GLG1: variants seen among roughly 807,000 people sequenced by gnomAD.
The protein encoded by GLG1 is Golgi apparatus protein 1.
A neutral mutation model predicts 160.5 loss-of-function variants in GLG1; 38 were observed. That is an observed-to-expected ratio of 0.24 (90% CI 0.18 to 0.31). The LOEUF is 0.31. Ranked by LOEUF, GLG1 falls within the 10% of genes least tolerant of loss-of-function variation. The pLI is 1.00. For synonymous variants in GLG1, 644 were observed against 543.4 expected, an observed-to-expected ratio of 1.19 and a Z score of -2.57; for missense variants, 1,373 against 1,505.2, an observed-to-expected ratio of 0.91 and a Z score of 1.45.
chr16:74,588,103 G>A (rs1037773727), intron 1 of GLG1, among the ~76,000 whole-genome samples: 1 of 151,818 alleles, frequency 6.6e-6, no homozygotes, highest in African/African-American at 2.4e-5. Context: ...AACAGGGGGA[G>A]CGTTGGTGGG....
At chr16:74,606,585 G>A (rs1208602693) in intron 1 of GLG1, 72 bp downstream of exon 1, 1 of 1,309,298 alleles carries the variant, frequency 7.6e-7, no homozygotes. Context: ...CGGCGTCAGC[G>A]GCTTCCAAGG....
chr16:74,520,550 C>T (rs769706906), intron 2 of GLG1, among the ~76,000 whole-genome samples: 3 of 152,122 alleles, frequency 2.0e-5, no homozygotes, highest in African/African-American at 4.8e-5. Context: ...GCAGGAGAAT[C>T]GCTTGAACCC....
At position 74,599,649 on chromosome 16, in the gene GLG1, G is replaced by C. The variant is rs184944157; in HGVS notation, c.438+7008C>G. Reference sequence around the variant, plus strand: ...GGAGGCCGAGGTGGGCAGATCACGAGGTCAGGAGATCGAGACCATCCTGGC... The same window carrying C: ...GGAGGCCGAGGTGGGCAGATCACGACGTCAGGAGATCGAGACCATCCTGGC... On this transcript the variant is annotated intron_variant, in intron 1 of 25. Coordinates refer to ENST00000422840, the MANE Select transcript of GLG1 (RefSeq NM_001145667.2). Among the ~76,000 whole-genome samples, 1,505 of 152,260 alleles carry C rather than the reference G, an allele frequency of 9.9e-3. 9 individuals are homozygous for C. Among genetic ancestry groups the C allele is most frequent in the Non-Finnish European group, 0.015 (1,041 of 68,026 alleles).
intron 19 of GLG1, 94 bp from the exon 20 acceptor site, chr16:74,463,573 C>G: frequency 7.9e-7 from 1 of 1,265,392 alleles, no homozygotes; most frequent in Non-Finnish European, 1.1e-6. Flanking sequence ...GGAGTCTCAC[C>G]GTGTCACCCA....
chr16:74,513,251 A>C (rs2016870697), intron 2 of GLG1, among the ~76,000 whole-genome samples: 1 of 152,188 alleles, frequency 6.6e-6, no homozygotes, highest in Non-Finnish European at 1.5e-5. Flanking sequence ...TGAATGAAAA[A>C]AGATGGGATA....
At chr16:74,478,925 G>A (rs1157250024) in intron 11 of GLG1, among the ~76,000 whole-genome samples, 1 of 138,940 alleles carries the variant, frequency 7.2e-6, no homozygotes, top group Non-Finnish European at 1.5e-5. Context: ...GGTTATTTTG[G>A]CCAGGCGCAG....
intron 3 of GLG1, among the ~76,000 whole-genome samples, chr16:74,505,024 T>C (rs2016545245): frequency 6.6e-6 from 1 of 152,224 alleles, no homozygotes; most frequent in Admixed American, 6.5e-5. Context: ...AGGAAGGAGT[T>C]AAATGGGAAT....
rs201693911 is a variant in GLG1 at position 74,529,809 on chromosome 16, G to GTTTTTTTTTTTTTTTTT, written c.471+2311_471+2312insAAAAAAAAAAAAAAAAA. 6.7e-5 allele frequency among the ~76,000 whole-genome samples: 7 copies of GTTTTTTTTTTTTTTTTT among 104,104 alleles called. 2 individuals are homozygous for GTTTTTTTTTTTTTTTTT. Among genetic ancestry groups the GTTTTTTTTTTTTTTTTT allele is most frequent in the Non-Finnish European group, 1.1e-4 (6 of 55,544 alleles). The allele number at this position is 104,104 out of a possible 152,430, so 68.3% of individuals were successfully genotyped here. A position where few individuals can be genotyped will look rare whatever the true frequency, so the allele number is the denominator to read the frequency against. On this transcript the variant is annotated intron_variant, in intron 2 of 25. Coordinates refer to ENST00000422840, the MANE Select transcript of GLG1 (RefSeq NM_001145667.2). ...CTTCCTATTCCTTGGCTCTTTGAGA[G>GTTTTTTTTTTTTTTTTT]TTCTTTTTTTTTTTTTTTTTTTTTT...
intron 1 of GLG1, among the ~76,000 whole-genome samples, chr16:74,570,126 T>A (rs1303171419): frequency 1.3e-5 from 2 of 152,158 alleles, no homozygotes; most frequent in Admixed American, 6.5e-5. Flanking sequence ...ACAAAATATT[T>A]TCATTTTTAT....
At chr16:74,499,482 T>C (rs117143367) in intron 4 of GLG1, among the ~76,000 whole-genome samples, 2,725 of 152,292 alleles carry the variant, frequency 0.018, 33 homozygotes, top group Non-Finnish European at 0.028. Flanking sequence ...ACTTGTGTTA[T>C]AAATGTCTCC....
intron 1 of GLG1, among the ~76,000 whole-genome samples, chr16:74,558,716 A>G (rs2018419742): frequency 6.6e-6 from 1 of 152,218 alleles, no homozygotes. Context: ...AGTTTCCTAT[A>G]TTAACTATTT....
chr16:74,602,573 G>C (rs973135577), intron 1 of GLG1, among the ~76,000 whole-genome samples: 2 of 152,168 alleles, frequency 1.3e-5, no homozygotes, highest in Admixed American at 1.3e-4. Flanking sequence ...CACGAGGTCA[G>C]GAGTTCGAGA....
intron 1 of GLG1, among the ~76,000 whole-genome samples, chr16:74,555,987 A>G (rs1264628179): frequency 1.3e-5 from 2 of 152,000 alleles, no homozygotes; most frequent in Non-Finnish European, 2.9e-5. Flanking sequence ...CTACAGGCAC[A>G]TGCCATCACA....
chr16:74,520,871 T>C (rs932703035), intron 2 of GLG1, among the ~76,000 whole-genome samples: 1 of 152,152 alleles, frequency 6.6e-6, no homozygotes, highest in Non-Finnish European at 1.5e-5. Context: ...TTGTTTATTC[T>C]CAGGATTGTG....
chr16:74,591,519 G>A (rs530738986), intron 1 of GLG1, among the ~76,000 whole-genome samples: 16 of 150,210 alleles, frequency 1.1e-4, no homozygotes, highest in Admixed American at 1.3e-4. Flanking sequence ...TCCCAGCTAC[G>A]TGGGAGGCTG....
chr16:74,498,468 T>TATATATATATATATATATATATAAA (rs1491206560), intron 4 of GLG1, among the ~76,000 whole-genome samples: 1 of 29,688 alleles, frequency 3.4e-5, no homozygotes, highest in South Asian at 1.6e-3. Context: ...ATATATATAT[T>TATATATATATATATATATATATAAA]ATATTTTATA....
intron 8 of GLG1, among the ~76,000 whole-genome samples, chr16:74,488,955 T>A (rs2015885452): frequency 6.6e-6 from 1 of 152,166 alleles, no homozygotes. Flanking sequence ...AAACCATATG[T>A]TTCACTACTT....
At chr16:74,572,462 G>A (rs114427787) in intron 1 of GLG1, among the ~76,000 whole-genome samples, 28 of 149,752 alleles carry the variant, frequency 1.9e-4, no homozygotes, top group Middle Eastern at 7.0e-3. Flanking sequence ...AGTGTGAGCC[G>A]AGATCGCACC....
At chr16:74,566,281 C>G (rs1392079277) in intron 1 of GLG1, among the ~76,000 whole-genome samples, 1 of 152,218 alleles carries the variant, frequency 6.6e-6, no homozygotes, top group African/African-American at 2.4e-5. Context: ...ACCTCCTGGA[C>G]AGGGAAAGTA....
Sources: gnomAD v4.1 joint callset for allele counts (sites outside exome capture counted in the v4.1 genomes callset) on GRCh38, gnomAD v4.1.1 for gene constraint, MANE v1.5 for transcripts, NCBI Gene and HGNC (gene_info 2026-07-23, HGNC 2026-07-21) for gene names.